Variants in LGSN observed in about 807,000 individuals in gnomAD.
LGSN encodes lengsin.
In LGSN, 21 loss-of-function variants were observed where a neutral mutation model predicts 19.5. The observed-to-expected ratio is 1.07, with a 90% confidence interval of 0.76 to 1.55. The LOEUF (loss-of-function observed/expected upper bound fraction) is 1.55. Among genes scored for constraint, LGSN ranks in the 40% most tolerant of loss-of-function variants. LGSN has a pLI of 0.00. For missense variants in LGSN, 673 were observed against 608.5 expected (o/e 1.11, Z -1.12); for synonymous variants, 257 against 215.6 (o/e 1.19, Z -1.68).
chr6:63,544,444 A>C, the LGSN span, among the ~76,000 whole-genome samples: 1 of 152,172 alleles, frequency 6.6e-6, no homozygotes, highest in African/African-American at 2.4e-5. Flanking sequence ...ATTCTCTTAC[A>C]TAACTGCAGC....
the LGSN span, among the ~76,000 whole-genome samples, chr6:63,355,773 G>T: frequency 2.0e-5 from 3 of 152,180 alleles, no homozygotes; most frequent in African/African-American, 7.2e-5. Flanking sequence ...CTGCCTCCCA[G>T]GTACAAGCAA....
chr6:63,348,832 C>G, the LGSN span, among the ~76,000 whole-genome samples: 1 of 148,666 alleles, frequency 6.7e-6, no homozygotes. Context: ...CTGAAGCAAT[C>G]CTCCTGCCTC....
At chr6:63,374,912 A>C in the LGSN span, among the ~76,000 whole-genome samples, 1 of 152,196 alleles carries the variant, frequency 6.6e-6, no homozygotes, top group African/African-American at 2.4e-5. Context: ...ACAGTCTTGT[A>C]ATAAAAGGAA....
At chr6:63,417,763 G>A in the LGSN span, among the ~76,000 whole-genome samples, 3 of 152,186 alleles carry the variant, frequency 2.0e-5, no homozygotes, top group East Asian at 5.8e-4. Context: ...TGGAAGAAAG[G>A]AAAGGAGGAC....
chr6:63,331,751 C>T, the LGSN span, among the ~76,000 whole-genome samples: 50 of 152,200 alleles, frequency 3.3e-4, no homozygotes, highest in South Asian at 5.4e-3. Context: ...CATGGAGGAC[C>T]GAGGAAGGTC....
the LGSN span, among the ~76,000 whole-genome samples, chr6:63,479,505 C>T: frequency 2.6e-5 from 4 of 151,708 alleles, no homozygotes; most frequent in African/African-American, 9.7e-5. Flanking sequence ...TTTCAGAGGC[C>T]GAGGCTGGCG....
the LGSN span, among the ~76,000 whole-genome samples, chr6:63,416,466 ATT>A: frequency 6.6e-6 from 1 of 152,220 alleles, no homozygotes; most frequent in Non-Finnish European, 1.5e-5. Context: ...GAAATTTAAA[ATT>A]CTTAGAGTAG....
the LGSN span, among the ~76,000 whole-genome samples, chr6:63,509,009 T>C: frequency 1.1e-4 from 16 of 151,798 alleles, no homozygotes; most frequent in Non-Finnish European, 1.9e-4. Context: ...ATTATTTATA[T>C]AGTTTATTTG....
chr6:63,420,810 T>C, the LGSN span, among the ~76,000 whole-genome samples: 3 of 152,052 alleles, frequency 2.0e-5, no homozygotes, highest in African/African-American at 7.2e-5. Context: ...ATAATGTAAC[T>C]ACCTAACACA....
chr6:63,400,273 T>C, the LGSN span, among the ~76,000 whole-genome samples: 22 of 152,212 alleles, frequency 1.4e-4, no homozygotes, highest in African/African-American at 2.2e-4. Context: ...GCAGGAGTCC[T>C]GGGCTTCCAG....
chr6:63,489,600 C>T, the LGSN span, among the ~76,000 whole-genome samples: 2 of 152,188 alleles, frequency 1.3e-5, no homozygotes, highest in Non-Finnish European at 2.9e-5. Flanking sequence ...AAACTCCTGA[C>T]CTCAAATGAT....
At chr6:63,507,301 C>A in the LGSN span, among the ~76,000 whole-genome samples, 83 of 152,148 alleles carry the variant, frequency 5.5e-4, 2 homozygotes, top group Non-Finnish European at 1.3e-4. Context: ...GGCACTTACT[C>A]CCCTCCCTTC....
the LGSN span, among the ~76,000 whole-genome samples, chr6:63,452,057 T>C: frequency 2.7e-5 from 4 of 148,454 alleles, no homozygotes; most frequent in South Asian, 2.2e-4. Context: ...TTCTTGTCTT[T>C]TTTTTTTTTT....
the LGSN span, among the ~76,000 whole-genome samples, chr6:63,564,479 T>G: frequency 6.6e-6 from 1 of 152,162 alleles, no homozygotes; most frequent in Admixed American, 6.5e-5. Context: ...TTATTATGCT[T>G]GCAGGAAATT....
the LGSN span, among the ~76,000 whole-genome samples, chr6:63,438,454 A>G: frequency 6.6e-6 from 1 of 152,228 alleles, no homozygotes; most frequent in Non-Finnish European, 1.5e-5. Context: ...CAACCTACTC[A>G]TCTGACTAAG....
chr6:63,526,833 A>ATATATATATT, the LGSN span, among the ~76,000 whole-genome samples: 156 of 127,986 alleles, frequency 1.2e-3, no homozygotes, highest in African/African-American at 1.6e-3. Flanking sequence ...ATATATATAT[A>ATATATATATT]TATTTATTTA....
the LGSN span, among the ~76,000 whole-genome samples, chr6:63,434,274 A>G: frequency 1.3e-5 from 2 of 151,654 alleles, no homozygotes; most frequent in Non-Finnish European, 2.9e-5. Flanking sequence ...CTCCGTCCCT[A>G]CTAAAAATAC....
chr6:63,505,565 AAAAGAAAGAAAGAAAGAAAGAAAGAAAG>A, the LGSN span, among the ~76,000 whole-genome samples: 223 of 58,646 alleles, frequency 3.8e-3, 22 homozygotes, highest in South Asian at 0.01. Flanking sequence ...AAAAAAAAAA[AAAAGAAAGAAAGAAAGAAAGAAAGAAAG>A]AAAGAAAGAA....
At chr6:63,361,473 T>G in the LGSN span, among the ~76,000 whole-genome samples, 2 of 152,268 alleles carry the variant, frequency 1.3e-5, no homozygotes, top group East Asian at 3.9e-4. Flanking sequence ...GGATATAATC[T>G]CCTGGTGTGC....
Sources: gnomAD v4.1 joint callset for allele counts (sites outside exome capture counted in the v4.1 genomes callset) on GRCh38, gnomAD v4.1.1 for gene constraint, MANE v1.5 for transcripts, NCBI Gene and HGNC (gene_info 2026-07-23, HGNC 2026-07-21) for gene names.